OR5A1: variants seen among roughly 807,000 people sequenced by gnomAD.
OR5A1 encodes the protein olfactory receptor family 5 subfamily A member 1.
Under a neutral mutation model 6.7 loss-of-function variants are expected in OR5A1, and 6 were observed. The ratio of observed to expected loss-of-function variants is 0.89; its 90% CI spans 0.49 to 1.76. OR5A1 has a LOEUF of 1.76. OR5A1 is among the 40% of genes most tolerant of loss of function. The pLI is 0.01. For synonymous variants in OR5A1, 170 were observed against 155.0 expected (o/e 1.10, Z -0.72); for missense variants, 378 against 381.7 (o/e 0.99, Z 0.08).
chr11:59,438,048 C>T lies in OR5A1; in HGVS notation c.-34+1213C>T, dbSNP rs191272143. 6.2e-3 allele frequency among the ~76,000 whole-genome samples: 951 copies of T among 152,234 alleles called. 11 individuals are homozygous for T. Among genetic ancestry groups the T allele is most frequent in the African/African-American group, 0.022 (896 of 41,516 alleles). On this transcript the variant is annotated intron_variant, in intron 1 of 1. Coordinates refer to ENST00000641045, the MANE Select transcript of OR5A1 (RefSeq NM_001004728.2). ...CCTTTCTGTTGCTCTCTCTCTCTTG[C>T]ATCTGCTCTCACCATATGAGATGTC...
At chr11:59,442,527 C>T (rs1858492600) in intron 1 of OR5A1, among the ~76,000 whole-genome samples, 1 of 151,982 alleles carries the variant, frequency 6.6e-6, no homozygotes, top group Admixed American at 6.6e-5. Context: ...GAAATTCAAC[C>T]TACATTAGTA....
intron 1 of OR5A1, 39 bp from the exon 2 acceptor site, chr11:59,443,097 T>C (rs951277645): frequency 8.6e-7 from 1 of 1,158,530 alleles, no homozygotes; most frequent in Non-Finnish European, 1.3e-6. Context: ...AGTTATTTGC[T>C]AATACCACCT....
intron 1 of OR5A1, among the ~76,000 whole-genome samples, chr11:59,440,105 C>A (rs1389503426): frequency 2.6e-5 from 4 of 152,134 alleles, no homozygotes; most frequent in African/African-American, 7.2e-5. Flanking sequence ...CCTTTGTCAC[C>A]TAGGCTGGAG....
chr11:59,450,228 C>T lies in OR5A1; in HGVS notation c.*6112C>T, dbSNP rs1858601620. ...AGAAAGGCTATCGTTTGATCCTGAC[C>T]TCACATTGAGCCTGATAGTCCAGAA... On this transcript the variant is annotated 3_prime_UTR_variant, in exon 2 of 2. Transcript: ENST00000641045. The T allele has an allele frequency of 6.6e-6, 1 of 152,156 alleles. No individual in the cohort carries two copies. The highest frequency in any genetic ancestry group is 2.1e-4 in the South Asian group (1 of 4,820). The allele number at this position is 152,156 out of a possible 1,614,324, so 9.4% of individuals were successfully genotyped here.
In OR5A1 at chr11:59,443,220, C is replaced by G; in HGVS notation, c.52C>G (p.Leu18Val). ...CTCATCAGTGACCATGTTCATCCTC[C>G]TGGGATTCACAGACCATCCAGAACT... ...NSSSVTMFIL[L>V]GFTDHPELQA... The change falls in exon 2 of 2, where the codon CTG (leucine) becomes GTG (valine). Residue 18 changes from leucine (L) to valine (V), a missense_variant. Coordinates refer to ENST00000641045, the MANE Select transcript of OR5A1 (RefSeq NM_001004728.2). 6.2e-7 allele frequency: 1 copy of G among 1,614,142 alleles called. No individual in the cohort carries two copies. Among genetic ancestry groups the G allele is most frequent in the Non-Finnish European group, 8.5e-7 (1 of 1,180,014 alleles).
chr11:59,439,961 TCACATTCC>T (rs1213275172), intron 1 of OR5A1, among the ~76,000 whole-genome samples: 1 of 152,208 alleles, frequency 6.6e-6, no homozygotes, highest in Non-Finnish European at 1.5e-5. Flanking sequence ...CTGATAACAA[TCACATTCC>T]CAGTTTATTA....
At chr11:59,438,355 T>G (rs1459084956) in intron 1 of OR5A1, among the ~76,000 whole-genome samples, 1 of 152,168 alleles carries the variant, frequency 6.6e-6, no homozygotes, top group Non-Finnish European at 1.5e-5. Flanking sequence ...TTTTTTTAAG[T>G]CTTCAGAAAA....
intron 1 of OR5A1, among the ~76,000 whole-genome samples, chr11:59,442,402 A>G (rs1182370173): frequency 6.6e-6 from 1 of 152,166 alleles, no homozygotes; most frequent in East Asian, 1.9e-4. Context: ...AGATACTGCC[A>G]TTGCACTCTA....
At position 59,449,589 on chromosome 11, in the gene OR5A1, T is replaced by C. The variant is rs1858593808; in HGVS notation, c.*5473T>C. The C allele has an allele frequency of 6.6e-6, 1 of 152,018 alleles. No individual in the cohort carries two copies. The highest frequency in any genetic ancestry group is 2.1e-4 in the South Asian group (1 of 4,812). 9.4% of individuals were successfully genotyped at this position (152,018 alleles called of 1,614,324 possible). On this transcript the variant is annotated 3_prime_UTR_variant, in exon 2 of 2. Coordinates refer to ENST00000641045, the MANE Select transcript of OR5A1 (RefSeq NM_001004728.2). ...CTAGCATGATCTCTTTCTTAAAAGG[T>C]GATTAAAAGTTAGATGGCAGCAAAA...
chr11:59,443,447 G>A lies in OR5A1; in HGVS notation c.279G>A (p.Lys93=), dbSNP rs756299805. The A allele has an allele frequency of 1.5e-5, 25 of 1,613,900 alleles. No individual in the cohort carries two copies. The highest frequency in any genetic ancestry group is 1.3e-4 in the South Asian group (12 of 91,066). The change falls in exon 2 of 2, where the codon AAG becomes AAA. Residue 93 remains lysine (K), a synonymous_variant. Coordinates refer to ENST00000641045, the MANE Select transcript of OR5A1 (RefSeq NM_001004728.2). The part of the protein sequence containing the change: ...NMLTDFFWEQ[K]TISFVGCAAQ... ...TCACTGACTTCTTCTGGGAGCAGAA[G>A]ACCATATCATTTGTGGGCTGTGCTG...
chr11:59,438,228 C>T (rs1172028777), intron 1 of OR5A1, among the ~76,000 whole-genome samples: 1 of 152,116 alleles, frequency 6.6e-6, no homozygotes, highest in Non-Finnish European at 1.5e-5. Flanking sequence ...TCCTGAAAAA[C>T]GGCCTAATAC....
chr11:59,440,945 G>A (rs1043974655), intron 1 of OR5A1, among the ~76,000 whole-genome samples: 1 of 152,150 alleles, frequency 6.6e-6, no homozygotes, highest in Non-Finnish European at 1.5e-5. Context: ...AAATGTGAGG[G>A]GTTTAGCAAT....
rs867201206 is a variant in OR5A1, at chr11:59,443,184, G to A, written c.16G>A (p.Ala6Thr). The change falls in exon 2 of 2, where the codon GCC (alanine) becomes ACC (threonine). Residue 6 changes from alanine (A) to threonine (T), a missense_variant. Coordinates refer to ENST00000641045, the MANE Select transcript of OR5A1 (RefSeq NM_001004728.2). ...CACGGGAAGCATGTCCATAACCAAAGCCTGGAACAGCTCATCAGTGACCAT... is the reference window on the plus strand; with the variant it reads ...CACGGGAAGCATGTCCATAACCAAAACCTGGAACAGCTCATCAGTGACCAT... Reference protein sequence around the residue: MSITKAWNSSSVTMFI... With the variant: MSITKTWNSSSVTMFI... 18 of 1,613,808 alleles carry A rather than the reference G, an allele frequency of 1.1e-5. 1 individual carries two copies. In the Middle Eastern group the frequency reaches 2.3e-3, roughly 207 times the overall value.
rs1166426720 is a variant in OR5A1, at chr11:59,448,303, G to T, written c.*4187G>T. The stretch of plus-strand genomic sequence containing the variant: ...AAGGAACTCCCCATACACATACTAA[G>T]ATCTTTAAGGTTACTTCACTCTGAT... On this transcript the variant is annotated 3_prime_UTR_variant, in exon 2 of 2. Coordinates refer to ENST00000641045, the MANE Select transcript of OR5A1 (RefSeq NM_001004728.2). 6.6e-6 allele frequency: 1 copy of T among 152,050 alleles called. No homozygotes were observed. Among genetic ancestry groups the T allele is most frequent in the East Asian group, 1.9e-4 (1 of 5,176 alleles). 9.4% of individuals were successfully genotyped at this position (152,050 alleles called of 1,614,324 possible).
rs1294986193 is a variant in OR5A1 at position 59,443,425 on chromosome 11, C to T, written c.257C>T (p.Thr86Ile). 2.5e-6 allele frequency: 4 copies of T among 1,613,930 alleles called. No homozygotes were observed. The highest frequency in any genetic ancestry group is 1.6e-4 in the Middle Eastern group (1 of 6,062). Reference sequence around the variant, plus strand: ...TCTGCTGTGGCTCCCAATATGCTCACTGACTTCTTCTGGGAGCAGAAGACC... The same window carrying T: ...TCTGCTGTGGCTCCCAATATGCTCATTGACTTCTTCTGGGAGCAGAAGACC... ...YSSAVAPNML[T>I]DFFWEQKTIS... Residue 86 changes from threonine (T) to isoleucine (I), a missense_variant, in exon 2 of 2, where the codon ACT (threonine) becomes ATT (isoleucine). Coordinates refer to ENST00000641045, the MANE Select transcript of OR5A1 (RefSeq NM_001004728.2).
Position 59,439,272 on chromosome 11 carries a change from G to C in OR5A1, c.-34+2437G>C, listed in dbSNP as rs147888889. Reference sequence around the variant, plus strand: ...CTTCTATGTGCAAAGGTCTGTGCTAGGTGCTTGGTTTTACTGTATTATTAT... The same window carrying C: ...CTTCTATGTGCAAAGGTCTGTGCTACGTGCTTGGTTTTACTGTATTATTAT... On this transcript the variant is annotated intron_variant, in intron 1 of 1. Coordinates refer to ENST00000641045, the MANE Select transcript of OR5A1 (RefSeq NM_001004728.2). 5.7e-3 allele frequency among the ~76,000 whole-genome samples: 864 copies of C among 152,298 alleles called. 6 individuals are homozygous for C. Among genetic ancestry groups the C allele is most frequent in the Non-Finnish European group, 7.5e-3 (508 of 68,026 alleles).
At position 59,444,811 on chromosome 11, in the gene OR5A1, G is replaced by C. The variant is rs1858528812; in HGVS notation, c.*695G>C. ...CTGAGTAATTTGCTAAGCAAATGCTGAAGGACATTCCCCTTGGCTGCCATT... is the reference window on the plus strand; with the variant it reads ...CTGAGTAATTTGCTAAGCAAATGCTCAAGGACATTCCCCTTGGCTGCCATT... On this transcript the variant is annotated 3_prime_UTR_variant, in exon 2 of 2. Coordinates refer to ENST00000641045, the MANE Select transcript of OR5A1 (RefSeq NM_001004728.2). The C allele has an allele frequency of 1.3e-5, 2 of 152,132 alleles. No individual in the cohort carries two copies. Among genetic ancestry groups the C allele is most frequent in the South Asian group, 4.1e-4 (2 of 4,832 alleles). 9.4% of individuals were successfully genotyped at this position (152,132 alleles called of 1,614,324 possible). A position where few individuals can be genotyped will look rare whatever the true frequency, so the allele number is the denominator to read the frequency against.
In OR5A1 at chr11:59,444,017, G is replaced by T; in HGVS notation, c.849G>T (p.Leu283Phe). The T allele has an allele frequency of 6.2e-7, 1 of 1,614,004 alleles. No individual in the cohort carries two copies. Among genetic ancestry groups the T allele is most frequent in the Non-Finnish European group, 8.5e-7 (1 of 1,179,970 alleles). The change falls in exon 2 of 2, where the codon TTG becomes TTT. Residue 283 changes from leucine (L) to phenylalanine (F), a missense_variant. Transcript: ENST00000641045. ...AGGTGGTGTCTGTTTTCTATTCATT[G>T]GTGATCCCCATGCTGAACCCTCTCA... ...RDKVVSVFYS[L>F]VIPMLNPLIY...
chr11:59,439,087 G>A (rs1426511573), intron 1 of OR5A1, among the ~76,000 whole-genome samples: 1 of 152,130 alleles, frequency 6.6e-6, no homozygotes, highest in Non-Finnish European at 1.5e-5. Context: ...TTTGGCTGAG[G>A]TCCTTATCAT....
Sources: gnomAD v4.1 joint callset for allele counts (sites outside exome capture counted in the v4.1 genomes callset) on GRCh38, gnomAD v4.1.1 for gene constraint, MANE v1.5 for transcripts, NCBI Gene and HGNC (gene_info 2026-07-23, HGNC 2026-07-21) for gene names.